Variants in GALC observed in about 807,000 individuals in gnomAD.
GALC encodes galactocerebrosidase.
Under a neutral mutation model 91.8 loss-of-function variants are expected in GALC, and 77 were observed. The observed-to-expected ratio is 0.84, with a 90% CI of 0.70 to 1.01. GALC has a LOEUF of 1.01. GALC is among the 50% of genes least tolerant of loss of function. The pLI, the probability that GALC is intolerant of heterozygous loss-of-function variation, is 0.00. For synonymous variants in GALC, 357 were observed against 306.7 expected (o/e 1.16, Z -1.71); for missense variants, 882 against 855.9 (o/e 1.03, Z -0.38).
chr14:87,965,098 A>T (rs1885977525), intron 9 of GALC, among the ~76,000 whole-genome samples: 3 of 152,176 alleles, frequency 2.0e-5, no homozygotes. Flanking sequence ...TTGCTAGCAT[A>T]CGATTGTAAT....
intron 10 of GALC, among the ~76,000 whole-genome samples, chr14:87,962,883 T>A (rs1313452162): frequency 6.6e-6 from 1 of 152,052 alleles, no homozygotes; most frequent in Non-Finnish European, 1.5e-5. Flanking sequence ...TTCATTCAGT[T>A]CCCTTGAATC....
At chr14:87,978,474 A>G (rs949974076) in intron 6 of GALC, among the ~76,000 whole-genome samples, 2 of 152,138 alleles carry the variant, frequency 1.3e-5, no homozygotes, top group African/African-American at 4.8e-5. Flanking sequence ...TTTTTTATAC[A>G]TTGTATTTGA....
In GALC at chr14:87,984,448, C is replaced by T. The variant is rs2139749565; in HGVS notation, c.528G>A (p.Val176=). The T allele has an allele frequency of 6.2e-7, 1 of 1,614,118 alleles. No individual in the cohort carries two copies. The highest frequency in any genetic ancestry group is 8.5e-7 in the Non-Finnish European group (1 of 1,179,994). Residue 176 remains valine, a synonymous_variant, in exon 5 of 17, where the codon GTG becomes GTA. Transcript: ENST00000261304. ...AACGCTTGGCGCCCACAATCCAGGT[C>T]ACGACATAATAGGCAGTCAGCTGAA... ...VNLQLTAYYV[V]TWIVGAKRYH...
At chr14:87,981,629 A>G (rs1886753797) in intron 6 of GALC, among the ~76,000 whole-genome samples, 1 of 152,156 alleles carries the variant, frequency 6.6e-6, no homozygotes, top group Non-Finnish European at 1.5e-5. Flanking sequence ...GGCAGAAGTT[A>G]TTATTCTGTT....
upstream of GALC, chr14:87,993,227 G>T: frequency 1.9e-6 from 3 of 1,547,286 alleles, no homozygotes; most frequent in Non-Finnish European, 1.7e-6. Flanking sequence ...CGATAGATAC[G>T]GGCAGGAGGC....
At chr14:87,971,114 C>T (rs1301885027) in intron 7 of GALC, among the ~76,000 whole-genome samples, 1 of 152,042 alleles carries the variant, frequency 6.6e-6, no homozygotes, top group Non-Finnish European at 1.5e-5. Flanking sequence ...CCTCAGTACT[C>T]CTCCTGAAAC....
upstream of GALC, chr14:87,993,547 C>T (rs1176811080): frequency 1.5e-6 from 2 of 1,352,310 alleles, no homozygotes; most frequent in Non-Finnish European, 2.0e-6. Context: ...GACACCAGGT[C>T]CCGATTCCAT....
chr14:87,988,211 T>C lies in GALC; in HGVS notation c.265-4A>G, dbSNP rs1232521466. The C allele has an allele frequency of 1.9e-6, 3 of 1,612,486 alleles. No homozygotes were observed. The highest frequency in any genetic ancestry group is 4.5e-5 in the East Asian group (2 of 44,834). On this transcript the variant is annotated splice_polypyrimidine_tract_variant and splice_region_variant and intron_variant, in intron 2 of 16. Transcript: ENST00000261304. ...GCAAAGAGGCACCAAAATTCGGCTG[T>C]GAAAAGAAGTAACAGTATTAACATA... is the stretch of plus-strand genomic sequence containing the variant.
At chr14:87,969,959 A>G (rs967064713) in intron 7 of GALC, among the ~76,000 whole-genome samples, 1 of 151,992 alleles carries the variant, frequency 6.6e-6, no homozygotes, top group Non-Finnish European at 1.5e-5. Flanking sequence ...GCAGGCATCT[A>G]TTCAATATTG....
At chr14:87,945,513 G>A (rs373154280) in intron 14 of GALC, 40 bp downstream of exon 14, 13 of 1,393,942 alleles carry the variant, frequency 9.3e-6, no homozygotes, top group Non-Finnish European at 1.3e-5. Context: ...ATATTACAAG[G>A]GTATTTCAGC....
chr14:87,944,307 C>T (rs1054249879), intron 14 of GALC, among the ~76,000 whole-genome samples: 2 of 151,928 alleles, frequency 1.3e-5, no homozygotes, highest in South Asian at 2.1e-4. Context: ...AGAAAGAGCC[C>T]TCTATGGTAT....
chr14:87,992,850 G>C, intron 1 of GALC, 120 bp downstream of exon 1: 1 of 1,402,416 alleles, frequency 7.1e-7, no homozygotes, highest in South Asian at 1.6e-5. Flanking sequence ...GCACCCTAGG[G>C]GAATGCGGCG....
At chr14:87,988,649 G>C in intron 1 of GALC, 126 bp from the exon 2 acceptor site, 5 of 768,474 alleles carry the variant, frequency 6.5e-6, no homozygotes, top group Non-Finnish European at 1.2e-5. Context: ...CTGAGGAAAA[G>C]TTCCTCACAA....
At chr14:87,955,609 C>G (rs1885502143) in intron 10 of GALC, among the ~76,000 whole-genome samples, 1 of 152,050 alleles carries the variant, frequency 6.6e-6, no homozygotes, top group African/African-American at 2.4e-5. Flanking sequence ...AAATCATTTC[C>G]TTGATTACAA....
intron 12 of GALC, among the ~76,000 whole-genome samples, chr14:87,949,248 TA>T (rs1885206305): frequency 6.6e-6 from 1 of 151,892 alleles, no homozygotes; most frequent in Non-Finnish European, 1.5e-5. Context: ...AATGTAAGTT[TA>T]GTATGTGAAG....
At chr14:87,967,077 C>G (rs183781419) in intron 8 of GALC, among the ~76,000 whole-genome samples, 51 of 152,112 alleles carry the variant, frequency 3.4e-4, no homozygotes, top group Admixed American at 9.2e-4. Context: ...CTTCTTAAGG[C>G]AAGTCTGGGA....
At chr14:87,937,205 A>G (rs1019213098) in intron 16 of GALC, among the ~76,000 whole-genome samples, 2 of 151,922 alleles carry the variant, frequency 1.3e-5, no homozygotes, top group African/African-American at 4.8e-5. Context: ...AAGAAGATTT[A>G]TATGTCAAAT....
At position 87,934,127 on chromosome 14, in the gene GALC, G is replaced by A. The variant is rs1354527177; in HGVS notation, c.*605C>T. On this transcript the variant is annotated 3_prime_UTR_variant, in exon 17 of 17. Transcript: ENST00000261304. ...TACTGCAGAAATAGTGTTAGAGGTAGTTTATTAAAGAGGCATTTTTAAAAT... is the reference window on the plus strand; with the variant it reads ...TACTGCAGAAATAGTGTTAGAGGTAATTTATTAAAGAGGCATTTTTAAAAT... The A allele has an allele frequency of 1.4e-6, 2 of 1,437,910 alleles. No homozygotes were observed. Among genetic ancestry groups the A allele is most frequent in the East Asian group, 2.5e-5 (1 of 39,846 alleles). The allele number at this position is 1,437,910 out of a possible 1,614,324, so 89.1% of individuals were successfully genotyped here.
chr14:87,978,225 A>G (rs1417524446), intron 6 of GALC, among the ~76,000 whole-genome samples: 1 of 151,956 alleles, frequency 6.6e-6, no homozygotes, highest in African/African-American at 2.4e-5. Flanking sequence ...CTAATTTTAT[A>G]TTTTTAGTAG....
Sources: gnomAD v4.1 joint callset for allele counts (sites outside exome capture counted in the v4.1 genomes callset) on GRCh38, gnomAD v4.1.1 for gene constraint, MANE v1.5 for transcripts, NCBI Gene and HGNC (gene_info 2026-07-23, HGNC 2026-07-21) for gene names.